The following CACNA2D2 variants were observed in gnomAD, a reference collection of about 807,000 sequenced individuals.
CACNA2D2 encodes the protein voltage-dependent calcium channel subunit alpha-2/delta-2.
In CACNA2D2, 48 loss-of-function variants were observed where a neutral mutation model predicts 166.4. The ratio of observed to expected loss-of-function variants is 0.29; its 90% CI spans 0.23 to 0.37. The LOEUF is 0.37. Among genes scored for constraint, CACNA2D2 ranks in the 10% least tolerant of loss-of-function variants. CACNA2D2 has a pLI of 1.00. For synonymous variants in CACNA2D2, 561 were observed against 573.7 expected, an observed-to-expected ratio of 0.98 and a Z score of 0.32; for missense variants, 1,122 against 1,433.0, an observed-to-expected ratio of 0.78 and a Z score of 3.50.
chr3:50,502,005 C>A (rs965014212), intron 1 of CACNA2D2, among the ~76,000 whole-genome samples: 11 of 152,144 alleles, frequency 7.2e-5, no homozygotes, highest in Non-Finnish European at 1.3e-4. Flanking sequence ...GACGACAAGA[C>A]GGAGAGAGAG....
chr3:50,422,587 C>G (rs60273100), intron 3 of CACNA2D2, among the ~76,000 whole-genome samples: 3 of 152,236 alleles, frequency 2.0e-5, no homozygotes, highest in South Asian at 2.1e-4. Flanking sequence ...CTTTCAATAG[C>G]GATAGCCACA....
At chr3:50,434,450 G>C (rs772716973) in intron 2 of CACNA2D2, 21 bp from the exon 3 acceptor site, 1 of 1,588,598 alleles carries the variant, frequency 6.3e-7, no homozygotes, top group South Asian at 1.1e-5. Context: ...GCAGAAGCCA[G>C]GGGTGAGACC....
chr3:50,387,467 G>A (rs1386582854), intron 5 of CACNA2D2, 101 bp downstream of exon 5: 1 of 990,980 alleles, frequency 1.0e-6, no homozygotes, highest in Non-Finnish European at 1.6e-6. Flanking sequence ...CGGCTCTGCA[G>A]GGTTGAGCTC....
intron 2 of CACNA2D2, among the ~76,000 whole-genome samples, chr3:50,472,321 C>A (rs1327501647): frequency 6.6e-6 from 1 of 152,196 alleles, no homozygotes; most frequent in Admixed American, 6.5e-5. Context: ...TCTGCCCTGA[C>A]CAGCGCGCAA....
intron 1 of CACNA2D2, among the ~76,000 whole-genome samples, chr3:50,485,250 T>C (rs1487613190): frequency 6.6e-6 from 1 of 152,188 alleles, no homozygotes; most frequent in Admixed American, 6.5e-5. Flanking sequence ...AGCTCTCTCC[T>C]GCACACTTGG....
chr3:50,418,034 G>A (rs576539076), intron 3 of CACNA2D2, among the ~76,000 whole-genome samples: 3 of 152,218 alleles, frequency 2.0e-5, no homozygotes, highest in South Asian at 4.2e-4. Context: ...TGGGCCCCGC[G>A]AAGGGGCCAG....
At position 50,366,381 on chromosome 3, in the gene CACNA2D2, C is replaced by T. The variant is rs1469753880; in HGVS notation, c.2638-43G>A. 4 of 1,597,766 alleles carry T rather than the reference C, an allele frequency of 2.5e-6. No individual in the cohort carries two copies. Among genetic ancestry groups the T allele is most frequent in the Admixed American group, 1.7e-5 (1 of 59,976 alleles). On this transcript the variant is annotated intron_variant, in intron 30 of 37. Coordinates refer to ENST00000424201, the MANE Select transcript of CACNA2D2 (RefSeq NM_006030.4). This position sits in a 1 kb window ranked among gnomAD's most constrained non-coding sequence, Gnocchi z 5.9. ...GGGAGGAAAATGGAGAGGGGCTGGG[C>T]CCCGGACCTTCCACCGCAGGCAGTC...
At chr3:50,422,032 G>A (rs1010403780) in intron 3 of CACNA2D2, among the ~76,000 whole-genome samples, 5 of 152,012 alleles carry the variant, frequency 3.3e-5, no homozygotes, top group African/African-American at 7.3e-5. Flanking sequence ...GTCTGCTCCC[G>A]CCAGAGATCC....
At chr3:50,377,946 C>G in intron 15 of CACNA2D2, 62 bp downstream of exon 15, 1 of 1,559,454 alleles carries the variant, frequency 6.4e-7, no homozygotes, top group East Asian at 2.2e-5. Context: ...GGTCTTGACC[C>G]TGTGGGCACA....
rs373700024 is a variant in CACNA2D2, at chr3:50,375,990, C to A, written c.1746G>T (p.Ala582=). The stretch of plus-strand genomic sequence containing the variant: ...CTTCCTTGTTCTCATCCTCTAGCTC[C>A]GCATCCAGGAAGTCCAGAGTCACAG... ...REPVTLDFLD[A]ELEDENKEEI... is the part of the protein sequence containing the mutation. The change falls in exon 19 of 38, where the codon GCG becomes GCT. Residue 582 remains alanine, a synonymous_variant. Coordinates refer to ENST00000424201, the MANE Select transcript of CACNA2D2 (RefSeq NM_006030.4). The surrounding 1 kb of genome is among the most constrained non-coding windows in gnomAD (Gnocchi z 4.0). The A allele has an allele frequency of 1.8e-5, 29 of 1,613,260 alleles. No homozygotes were observed. Among genetic ancestry groups the A allele is most frequent in the Non-Finnish European group, 2.5e-5 (29 of 1,180,012 alleles).
At chr3:50,461,655 G>A (rs544138752) in intron 2 of CACNA2D2, among the ~76,000 whole-genome samples, 3 of 151,960 alleles carry the variant, frequency 2.0e-5, no homozygotes, top group South Asian at 2.1e-4. Flanking sequence ...CAGCTACTCA[G>A]GAGGCTGAGG....
chr3:50,377,979 C>A, intron 15 of CACNA2D2, 29 bp downstream of exon 15: 1 of 1,597,840 alleles, frequency 6.3e-7, no homozygotes, highest in South Asian at 1.1e-5. Context: ...GGGTGCCAGC[C>A]CCACCCCTTC....
intron 1 of CACNA2D2, among the ~76,000 whole-genome samples, chr3:50,479,084 T>A (rs1001824836): frequency 6.6e-6 from 1 of 152,234 alleles, no homozygotes; most frequent in African/African-American, 2.4e-5. Context: ...AAAAAGGCTA[T>A]TTCAACACTA....
chr3:50,442,114 C>T (rs1708626764), intron 2 of CACNA2D2, among the ~76,000 whole-genome samples: 2 of 152,196 alleles, frequency 1.3e-5, no homozygotes, highest in Admixed American at 1.3e-4. Flanking sequence ...CTTTATCTCC[C>T]CTAAATTCTG....
upstream of CACNA2D2, among the ~76,000 whole-genome samples, chr3:50,503,873 G>A (rs1278259733): frequency 6.7e-6 from 1 of 149,146 alleles, no homozygotes; most frequent in African/African-American, 2.5e-5. Context: ...GTGCGCCCCC[G>A]CCCCCACACC....
chr3:50,401,733 G>A (rs779920615), intron 3 of CACNA2D2, among the ~76,000 whole-genome samples: 20 of 152,004 alleles, frequency 1.3e-4, no homozygotes, highest in Admixed American at 5.2e-4. Flanking sequence ...TTTTGAGATG[G>A]AGTCTTGCTC....
intron 1 of CACNA2D2, among the ~76,000 whole-genome samples, chr3:50,493,062 A>G (rs768358596): frequency 2.6e-5 from 4 of 152,100 alleles, no homozygotes; most frequent in Non-Finnish European, 5.9e-5. Context: ...TAAAACAACT[A>G]CTTCCTTTAC....
At chr3:50,451,471 T>C (rs1474653155) in intron 2 of CACNA2D2, among the ~76,000 whole-genome samples, 1 of 152,130 alleles carries the variant, frequency 6.6e-6, no homozygotes, top group African/African-American at 2.4e-5. Flanking sequence ...GACACTTTGT[T>C]GAACACTACC....
At position 50,473,034 on chromosome 3, in the gene CACNA2D2, G is replaced by A. The variant is rs369851440; in HGVS notation, c.288+3084C>T. Among the ~76,000 whole-genome samples, 14 of 152,296 alleles carry A rather than the reference G, an allele frequency of 9.2e-5. No individual in the cohort carries two copies. In the East Asian group the frequency reaches 9.7e-4, roughly 11 times the overall value. On this transcript the variant is annotated intron_variant, in intron 2 of 37. Transcript: ENST00000424201. ...CACGGGTTGGGGGAGTTGGGCTGGG[G>A]AACCCAGGAGGATGCGACTCAGGGT...
Sources: allele counts gnomAD v4.1 joint callset (sites outside exome capture counted in the v4.1 genomes callset), GRCh38; gene constraint gnomAD v4.1.1; non-coding constraint Gnocchi (gnomAD v3.1); transcripts MANE v1.5; gene names NCBI Gene and HGNC (gene_info 2026-07-23, HGNC 2026-07-21).